The following CCDC178 variants were observed in gnomAD, a reference collection of about 807,000 sequenced individuals.
The protein encoded by CCDC178 is coiled-coil domain-containing protein 178.
Under a neutral mutation model 117.4 loss-of-function variants are expected in CCDC178, and 126 were observed. That is an observed-to-expected ratio of 1.07 (90% CI 0.93 to 1.24). The LOEUF (loss-of-function observed/expected upper bound fraction) is 1.24, where lower values mean the gene tolerates loss of function less well. Among genes scored for constraint, CCDC178 ranks in the 50% most tolerant of loss-of-function variants. CCDC178 has a pLI of 0.00. For missense variants in CCDC178, 1,030 were observed against 986.9 expected (o/e 1.04, Z -0.59); for synonymous variants, 283 against 313.4 (o/e 0.90, Z 1.02).
chr18:33,304,571 G>T (rs2144921929), intron 11 of CCDC178, among the ~76,000 whole-genome samples: 2 of 152,316 alleles, frequency 1.3e-5, no homozygotes, highest in Middle Eastern at 3.4e-3. Flanking sequence ...TTACAAAAGT[G>T]TGACTGTTCC....
intron 20 of CCDC178, among the ~76,000 whole-genome samples, chr18:33,130,007 T>C (rs1311469149): frequency 6.6e-6 from 1 of 151,994 alleles, no homozygotes; most frequent in Non-Finnish European, 1.5e-5. Context: ...CTGGATTAAA[T>C]ATATGTTCAC....
At chr18:33,400,245 G>A (rs1217010968) in intron 3 of CCDC178, among the ~76,000 whole-genome samples, 10 of 151,798 alleles carry the variant, frequency 6.6e-5, no homozygotes. Flanking sequence ...ATTCTTAAGG[G>A]CCCTAGGATT....
At position 32,937,941 on chromosome 18, in the gene CCDC178, A is replaced by G; in HGVS notation, c.*70T>C. 1 of 1,207,518 alleles carries G rather than the reference A, an allele frequency of 8.3e-7. No homozygotes were observed. The highest frequency in any genetic ancestry group is 2.3e-5 in the East Asian group (1 of 42,612). The allele number at this position is 1,207,518 out of a possible 1,614,324, so 74.8% of individuals were successfully genotyped here. A position where few individuals can be genotyped will look rare whatever the true frequency, so the allele number is the denominator to read the frequency against. Reference sequence around the variant, plus strand: ...ATGGCAAACAGGTGAATGTCCAATTACACTGTTATCTGAACTGTGTGACTT... The same window carrying G: ...ATGGCAAACAGGTGAATGTCCAATTGCACTGTTATCTGAACTGTGTGACTT... On this transcript the variant is annotated 3_prime_UTR_variant, in exon 23 of 23. Transcript: ENST00000383096.
chr18:33,269,862 G>A (rs537539790), intron 12 of CCDC178, among the ~76,000 whole-genome samples: 1 of 151,692 alleles, frequency 6.6e-6, no homozygotes, highest in Non-Finnish European at 1.5e-5. Context: ...AATTAAGAAA[G>A]TATAGACTAT....
At chr18:32,970,375 T>C (rs1490903956) in intron 22 of CCDC178, among the ~76,000 whole-genome samples, 7 of 152,014 alleles carry the variant, frequency 4.6e-5, no homozygotes, top group South Asian at 4.1e-4. Flanking sequence ...ATTGGTTATA[T>C]ACAATTTACT....
intron 15 of CCDC178, among the ~76,000 whole-genome samples, chr18:33,238,463 G>A (rs1300170449): frequency 1.3e-5 from 2 of 151,638 alleles, no homozygotes; most frequent in Admixed American, 6.6e-5. Context: ...TATTAAAAAA[G>A]AACCAAACAG....
intron 12 of CCDC178, among the ~76,000 whole-genome samples, chr18:33,270,541 A>G (rs2059875120): frequency 6.6e-6 from 1 of 151,674 alleles, no homozygotes. Context: ...TATGATTAAC[A>G]GACAATTTTT....
In CCDC178 at chr18:33,370,106, T is replaced by G. The variant is rs1481031973; in HGVS notation, c.292A>C (p.Lys98Gln). Residue 98 changes from lysine (K) to glutamine (Q), a missense_variant, in exon 6 of 23, where the codon AAA (lysine) becomes CAA (glutamine). Transcript: ENST00000383096. ...VVNIPAPCVNKMISHIQDVES... is the reference protein window; with the variant it reads ...VVNIPAPCVNQMISHIQDVES... ...ACATCTTGGATGTGTGAAATCATTTTGTTGACACAAGGTGCTGGAATATTT... is the reference window on the plus strand; with the variant it reads ...ACATCTTGGATGTGTGAAATCATTTGGTTGACACAAGGTGCTGGAATATTT... The G allele has an allele frequency of 1.9e-6, 3 of 1,606,650 alleles. No homozygotes were observed. Among genetic ancestry groups the G allele is most frequent in the Non-Finnish European group, 2.5e-6 (3 of 1,176,680 alleles).
At chr18:33,159,405 T>C (rs551526225) in intron 20 of CCDC178, among the ~76,000 whole-genome samples, 1 of 152,132 alleles carries the variant, frequency 6.6e-6, no homozygotes, top group Non-Finnish European at 1.5e-5. Flanking sequence ...ATGTATTCTC[T>C]TACAGTTCCA....
At chr18:33,287,128 TAAAG>T (rs1454706466) in intron 12 of CCDC178, among the ~76,000 whole-genome samples, 1 of 150,466 alleles carries the variant, frequency 6.6e-6, no homozygotes, top group Non-Finnish European at 1.5e-5. Context: ...GTTAATGAGG[TAAAG>T]ACTCAATTGA....
intron 21 of CCDC178, among the ~76,000 whole-genome samples, chr18:32,986,722 C>T (rs1412886162): frequency 1.3e-5 from 2 of 151,970 alleles, no homozygotes; most frequent in South Asian, 2.1e-4. Flanking sequence ...GTCAAACAAA[C>T]ATTCCCTGTA....
intron 3 of CCDC178, among the ~76,000 whole-genome samples, chr18:33,406,539 A>G (rs2063783094): frequency 6.6e-6 from 1 of 152,086 alleles, no homozygotes; most frequent in African/African-American, 2.4e-5. Flanking sequence ...AAATCTACCA[A>G]AAGTAGGTAG....
chr18:33,403,826 C>A (rs2063743646), intron 3 of CCDC178, among the ~76,000 whole-genome samples: 1 of 151,964 alleles, frequency 6.6e-6, no homozygotes. Flanking sequence ...TTAAAAACTT[C>A]TGGGGAGTCA....
intron 21 of CCDC178, among the ~76,000 whole-genome samples, chr18:32,990,857 A>G (rs1281531781): frequency 6.6e-6 from 1 of 151,976 alleles, no homozygotes; most frequent in Admixed American, 6.6e-5. Flanking sequence ...GAAAAGTCAT[A>G]AAGCCCAATA....
intron 6 of CCDC178, among the ~76,000 whole-genome samples, chr18:33,358,036 C>G (rs2063079954): frequency 6.6e-6 from 1 of 151,814 alleles, no homozygotes; most frequent in Non-Finnish European, 1.5e-5. Context: ...AGTCTATTGC[C>G]CCTGGCCTAC....
chr18:33,364,298 A>G (rs2063170552), intron 6 of CCDC178, among the ~76,000 whole-genome samples: 1 of 152,132 alleles, frequency 6.6e-6, no homozygotes, highest in South Asian at 2.1e-4. Flanking sequence ...AAAGAAAAAA[A>G]GATAAATGGT....
At chr18:32,994,513 T>C (rs2055462602) in intron 21 of CCDC178, among the ~76,000 whole-genome samples, 1 of 152,230 alleles carries the variant, frequency 6.6e-6, no homozygotes, top group South Asian at 2.1e-4. Context: ...CCACTTTGCC[T>C]TTGAAATGAA....
chr18:32,955,953 A>T (rs989250590), intron 22 of CCDC178, among the ~76,000 whole-genome samples: 1 of 152,146 alleles, frequency 6.6e-6, no homozygotes, highest in Non-Finnish European at 1.5e-5. Flanking sequence ...GTCTTTTTAA[A>T]ATCCATGTGC....
At chr18:33,089,224 C>A (rs2057426388) in intron 21 of CCDC178, among the ~76,000 whole-genome samples, 1 of 151,818 alleles carries the variant, frequency 6.6e-6, no homozygotes, top group Admixed American at 6.6e-5. Flanking sequence ...TTTACATAAC[C>A]TGATTAGCCA....
Sources: gnomAD v4.1 joint callset for allele counts (sites outside exome capture counted in the v4.1 genomes callset) on GRCh38, gnomAD v4.1.1 for gene constraint, MANE v1.5 for transcripts, NCBI Gene and HGNC (gene_info 2026-07-23, HGNC 2026-07-21) for gene names.